DMXL1: variants seen among roughly 807,000 people sequenced by gnomAD.
DMXL1 encodes the protein Dmx like 1.
In DMXL1, 99 loss-of-function variants were observed where a neutral mutation model predicts 319.2. The observed-to-expected ratio is 0.31, with a 90% CI of 0.26 to 0.37. The LOEUF (loss-of-function observed/expected upper bound fraction) is 0.37, where lower values mean the gene tolerates loss of function less well. DMXL1 is among the 10% of genes least tolerant of loss of function. The pLI is 1.00. For synonymous variants in DMXL1, 1,385 were observed against 1,235.2 expected, an observed-to-expected ratio of 1.12 and a Z score of -2.54; for missense variants, 3,745 against 3,595.6, an observed-to-expected ratio of 1.04 and a Z score of -1.06.
At chr5:119,163,852 G>A (rs1772813726) in intron 19 of DMXL1, among the ~76,000 whole-genome samples, 1 of 152,154 alleles carries the variant, frequency 6.6e-6, no homozygotes. Context: ...TGGGATTACA[G>A]GCATGAGCCA....
chr5:119,193,706 G>C, intron 29 of DMXL1, 122 bp from the exon 30 acceptor site: 1 of 956,842 alleles, frequency 1.0e-6, no homozygotes, highest in South Asian at 1.5e-5. Flanking sequence ...TAAGATAATA[G>C]TTACTTAACT....
At chr5:119,159,664 G>A (rs1391150253) in intron 19 of DMXL1, among the ~76,000 whole-genome samples, 6 of 151,972 alleles carry the variant, frequency 3.9e-5, no homozygotes, top group Non-Finnish European at 7.4e-5. Flanking sequence ...TTGCTCTGTC[G>A]CCCAGGCTGG....
chr5:119,127,689 C>G (rs796821611), intron 9 of DMXL1: 1 of 187,170 alleles, frequency 5.3e-6, no homozygotes, highest in Non-Finnish European at 1.1e-5. Context: ...TTTGCCTGCT[C>G]TGGCCTCCCA....
intron 39 of DMXL1, among the ~76,000 whole-genome samples, chr5:119,234,607 C>A (rs1259409130): frequency 6.6e-6 from 1 of 152,064 alleles, no homozygotes; most frequent in Non-Finnish European, 1.5e-5. Flanking sequence ...TTCTTAGCTC[C>A]TTAGTGGGAA....
At chr5:119,117,710 C>T (rs1018199818) in intron 7 of DMXL1, among the ~76,000 whole-genome samples, 1 of 151,786 alleles carries the variant, frequency 6.6e-6, no homozygotes, top group Admixed American at 6.6e-5. Flanking sequence ...AGGAAGTAGA[C>T]AGAAAGAGGA....
chr5:119,194,011 G>T (rs1273551576), intron 30 of DMXL1, 41 bp downstream of exon 30: 1 of 1,348,094 alleles, frequency 7.4e-7, no homozygotes, highest in Non-Finnish European at 9.9e-7. Flanking sequence ...TAAAAATAAT[G>T]GTGTATATAA....
chr5:119,089,968 A>C (rs1211765700), intron 1 of DMXL1, among the ~76,000 whole-genome samples: 2 of 99,240 alleles, frequency 2.0e-5, no homozygotes, highest in Admixed American at 2.2e-4. Flanking sequence ...TTGACCTTTG[A>C]GAGTTTGATT....
At chr5:119,157,588 C>T (rs963240174) in intron 19 of DMXL1, among the ~76,000 whole-genome samples, 3 of 152,138 alleles carry the variant, frequency 2.0e-5, no homozygotes, top group Non-Finnish European at 2.9e-5. Context: ...TATCCTTTCC[C>T]ATTGTGTGTT....
intron 1 of DMXL1, among the ~76,000 whole-genome samples, chr5:119,072,518 G>A (rs1427622334): frequency 2.6e-5 from 4 of 152,214 alleles, no homozygotes; most frequent in African/African-American, 9.6e-5. Context: ...GGAATACTAA[G>A]TGCTGTAGGC....
intron 1 of DMXL1, among the ~76,000 whole-genome samples, chr5:119,086,165 G>A (rs1362556969): frequency 5.3e-5 from 8 of 152,292 alleles, no homozygotes; most frequent in East Asian, 3.9e-4. Flanking sequence ...GAGAATGAGA[G>A]CCAAGCAAAA....
Position 119,129,404 on chromosome 5 carries a change from A to T in DMXL1, c.1296A>T (p.Ala432=), listed in dbSNP as rs761202096. The T allele has an allele frequency of 6.2e-7, 1 of 1,608,408 alleles. No homozygotes were observed. The highest frequency in any genetic ancestry group is 8.5e-7 in the Non-Finnish European group (1 of 1,178,456). Residue 432 remains alanine, a synonymous_variant, in exon 10 of 44, where the codon GCA becomes GCT. Coordinates refer to ENST00000539542, the MANE Select transcript of DMXL1 (RefSeq NM_001290321.3). The stretch of plus-strand genomic sequence containing the variant: ...CCAGTGTAGAAGATTCTAATCAGGC[A>T]GATGTAAAATCTGATGAAGGTAAAC... The part of the protein sequence containing the change: ...SEASVEDSNQ[A]DVKSDEETDD...
chr5:119,146,782 G>A (rs1043573824), intron 15 of DMXL1, 55 bp from the exon 16 acceptor site: 10 of 1,480,440 alleles, frequency 6.8e-6, no homozygotes, highest in Middle Eastern at 1.8e-4. Flanking sequence ...GGCATGTTTA[G>A]CAAGTTGTCT....
rs573753156 is a variant in DMXL1 at position 119,246,970 on chromosome 5, T to C, written c.8923-25T>C. 1.9e-5 allele frequency: 29 copies of C among 1,542,624 alleles called. 1 individual carries two copies. The South Asian group carries it at 3.2e-4, about 17-fold the overall frequency. ...TTAAGGTCATCATCAACCCTAATTT[T>C]CCGTTTGTTCTTAATATCTTTCAGA... On this transcript the variant is annotated intron_variant, in intron 43 of 43. Transcript: ENST00000539542.
In DMXL1 at chr5:119,160,822, A is replaced by G. The variant is rs1581089641; in HGVS notation, c.4703-3685A>G. On this transcript the variant is annotated intron_variant, in intron 19 of 43. Coordinates refer to ENST00000539542, the MANE Select transcript of DMXL1 (RefSeq NM_001290321.3). ...GACTTAAAGTCTATTTTGTCTAAGT[A>G]TAGCTACCCCTATTCTATTTCGGTT... is the stretch of plus-strand genomic sequence containing the variant. Among the ~76,000 whole-genome samples, 4 of 152,284 alleles carry G rather than the reference A, an allele frequency of 2.6e-5. No homozygotes were observed. The East Asian group carries it at 5.8e-4, about 22-fold the overall frequency.
chr5:119,072,384 A>C (rs1749806793), intron 1 of DMXL1, among the ~76,000 whole-genome samples: 1 of 152,072 alleles, frequency 6.6e-6, no homozygotes, highest in Non-Finnish European at 1.5e-5. Flanking sequence ...ACAATTTCAA[A>C]ATATAAGTCA....
At chr5:119,205,255 T>C (rs1370361268) in intron 33 of DMXL1, among the ~76,000 whole-genome samples, 1 of 152,016 alleles carries the variant, frequency 6.6e-6, no homozygotes, top group East Asian at 1.9e-4. Flanking sequence ...CTGAAAACAA[T>C]ACAAAAAAAC....
At chr5:119,098,962 A>G (rs1206046399) in intron 2 of DMXL1, among the ~76,000 whole-genome samples, 2 of 152,194 alleles carry the variant, frequency 1.3e-5, no homozygotes, top group Non-Finnish European at 2.9e-5. Context: ...CTAGGATTAA[A>G]AGTTGCCATC....
intron 30 of DMXL1, among the ~76,000 whole-genome samples, chr5:119,195,324 A>C (rs1779425788): frequency 6.6e-6 from 1 of 152,214 alleles, no homozygotes; most frequent in Non-Finnish European, 1.5e-5. Flanking sequence ...TATTTACAGT[A>C]ACTGAGGGGA....
intron 5 of DMXL1, among the ~76,000 whole-genome samples, chr5:119,113,704 G>C (rs1270435838): frequency 2.6e-5 from 4 of 152,118 alleles, no homozygotes; most frequent in African/African-American, 9.7e-5. Flanking sequence ...TGGTGGTACT[G>C]GTGAAAAATG....
Sources: allele counts gnomAD v4.1 joint callset (sites outside exome capture counted in the v4.1 genomes callset), GRCh38; gene constraint gnomAD v4.1.1; transcripts MANE v1.5; gene names NCBI Gene and HGNC (gene_info 2026-07-23, HGNC 2026-07-21).